GFI1B: variants seen among roughly 807,000 people sequenced by gnomAD.
GFI1B encodes the protein growth factor independent 1B transcriptional repressor.
In GFI1B, 20 loss-of-function variants were observed where a neutral mutation model predicts 35.3. That is an observed-to-expected ratio of 0.57 (90% CI 0.40 to 0.82). GFI1B has a LOEUF of 0.82. GFI1B is among the 40% of genes least tolerant of loss of function. The probability of loss-of-function intolerance (pLI) is 0.00; values close to 1 mark genes in which losing one functional copy is unlikely to be tolerated. For missense variants in GFI1B, 430 were observed against 446.3 expected (o/e 0.96, Z 0.33); for synonymous variants, 178 against 177.6 (o/e 1.00, Z -0.02).
intron 1 of GFI1B, among the ~76,000 whole-genome samples, chr9:132,948,776 G>A (rs576515779): frequency 2.1e-4 from 32 of 152,320 alleles, no homozygotes; most frequent in Non-Finnish European, 3.4e-4. Context: ...GCTTCACACC[G>A]CCCTACCTTG....
chr9:132,962,745 C>T, intron 1 of GFI1B: 1 of 398,906 alleles, frequency 2.5e-6, no homozygotes, highest in East Asian at 6.5e-5. Context: ...GAAAATGTCA[C>T]CATATCTGGA....
intron 1 of GFI1B, among the ~76,000 whole-genome samples, chr9:132,964,475 T>G (rs62578220): frequency 0.86 from 131,248 of 151,922 alleles, 56,904 homozygotes; most frequent in African/African-American, 0.92. Flanking sequence ...GAATCAATTT[T>G]CAGCCACTTG....
chr9:132,975,240 A>G (rs372309507), upstream of GFI1B: 246 of 152,292 alleles, frequency 1.6e-3, 2 homozygotes, highest in African/African-American at 4.9e-3. Context: ...TAAACCAGGG[A>G]AGAATCTTCC....
chr9:132,984,645 G>A (rs1167861284), intron 1 of GFI1B, among the ~76,000 whole-genome samples: 1 of 152,200 alleles, frequency 6.6e-6, no homozygotes, highest in Non-Finnish European at 1.5e-5. Flanking sequence ...GCTCCTGATG[G>A]ATAAAGGTCC....
At chr9:132,969,937 C>T (rs78129172) in intron 1 of GFI1B, among the ~76,000 whole-genome samples, 3,653 of 152,248 alleles carry the variant, frequency 0.024, 62 homozygotes, top group Middle Eastern at 0.071. Context: ...TCTCCGAAGG[C>T]GGCCGGTACA....
rs773925352 is a variant in GFI1B at position 132,989,672 on chromosome 9, G to A, written c.649-70G>A. 27 of 1,332,344 alleles carry A rather than the reference G, an allele frequency of 2.0e-5. 1 individual carries two copies. Among genetic ancestry groups the A allele is most frequent in the South Asian group, 4.8e-5 (4 of 83,030 alleles). The allele number at this position is 1,332,344 out of a possible 1,614,324, so 82.5% of individuals were successfully genotyped here. A position where few individuals can be genotyped will look rare whatever the true frequency, so the allele number is the denominator to read the frequency against. On this transcript the variant is annotated intron_variant, in intron 5 of 6. Coordinates refer to ENST00000372122, the MANE Select transcript of GFI1B (RefSeq NM_001377304.1). The surrounding 1 kb of genome is among the most constrained non-coding windows in gnomAD (Gnocchi z 6.2). ...CCGCCCCAATGGAGTGTCCTGTTCC[G>A]CAGGGGATCCCGGCCGGGTCCAGTC...
At chr9:132,976,348 G>C (rs1400617914), upstream of GFI1B, 4 of 152,210 alleles carry the variant, frequency 2.6e-5, no homozygotes, top group East Asian at 7.7e-4. Context: ...TGTGTATAGG[G>C]AAGTGAGAAC....
chr9:132,974,395 T>C (rs149941576), upstream of GFI1B, among the ~76,000 whole-genome samples: 1 of 149,438 alleles, frequency 6.7e-6, no homozygotes. Context: ...AGGTTAGGAG[T>C]TTGAGACTAG....
chr9:132,965,743 C>T (rs1246719176), intron 1 of GFI1B, among the ~76,000 whole-genome samples: 5 of 152,306 alleles, frequency 3.3e-5, no homozygotes, highest in Admixed American at 6.5e-5. Flanking sequence ...GGTCATCCCT[C>T]GGAGACTCCA....
At chr9:132,975,861 A>G (rs1419497714), upstream of GFI1B, among the ~76,000 whole-genome samples, 1 of 152,210 alleles carries the variant, frequency 6.6e-6, no homozygotes, top group Non-Finnish European at 1.5e-5. Context: ...GTAGCTTTAC[A>G]GGCAGCCCTG....
At chr9:132,971,971 C>CA (rs1358807327) in intron 1 of GFI1B, among the ~76,000 whole-genome samples, 1 of 50,986 alleles carries the variant, frequency 2.0e-5, no homozygotes, top group Non-Finnish European at 3.9e-5. Flanking sequence ...AAGACTCTGT[C>CA]TAAAAAAAAA....
chr9:132,960,376 C>G (rs1363765418), intron 1 of GFI1B, among the ~76,000 whole-genome samples: 1 of 152,098 alleles, frequency 6.6e-6, no homozygotes, highest in African/African-American at 2.4e-5. Context: ...AAATAAGCAG[C>G]CTGGGCTATA....
At chr9:132,963,223 T>C (rs1848395395) in intron 1 of GFI1B, among the ~76,000 whole-genome samples, 1 of 152,062 alleles carries the variant, frequency 6.6e-6, no homozygotes, top group Non-Finnish European at 1.5e-5. Flanking sequence ...GGCTCATGCC[T>C]GTAATCCCAG....
chr9:132,988,531 TGGCAGCTCTGGG>T, intron 4 of GFI1B, 63 bp downstream of exon 4: 1 of 1,463,788 alleles, frequency 6.8e-7, no homozygotes, highest in Non-Finnish European at 9.5e-7. Flanking sequence ...CTCAACTCAC[TGGCAGCTCTGGG>T]CGTTCTCTGT....
chr9:132,980,866 A>G (rs896860709), intron 1 of GFI1B, among the ~76,000 whole-genome samples: 4 of 152,040 alleles, frequency 2.6e-5, no homozygotes, highest in African/African-American at 9.7e-5. Context: ...TTAAGGCCGA[A>G]TAATGTTCAA....
intron 1 of GFI1B, among the ~76,000 whole-genome samples, chr9:132,971,972 T>TA (rs55710047): frequency 0.2 from 26,689 of 130,628 alleles, 3,433 homozygotes; most frequent in African/African-American, 0.38. Context: ...AGACTCTGTC[T>TA]AAAAAAAAAA....
chr9:132,981,530 C>G (rs560801482), intron 1 of GFI1B, among the ~76,000 whole-genome samples: 2 of 151,968 alleles, frequency 1.3e-5, no homozygotes, highest in Non-Finnish European at 2.9e-5. Flanking sequence ...CCCAGCTACT[C>G]GAGAAGCTAA....
chr9:132,951,448 C>T (rs1009522951), intron 1 of GFI1B: 2 of 152,298 alleles, frequency 1.3e-5, no homozygotes, highest in African/African-American at 4.8e-5. Context: ...GATCAAACCT[C>T]TCTTGGAACT....
intron 1 of GFI1B, among the ~76,000 whole-genome samples, chr9:132,985,854 G>A (rs649651): frequency 0.11 from 16,943 of 152,196 alleles, 1,091 homozygotes; most frequent in South Asian, 0.21. Context: ...CAGACCACCC[G>A]TTTCTATGGC....
Sources: gnomAD v4.1 joint callset for allele counts (sites outside exome capture counted in the v4.1 genomes callset) on GRCh38, gnomAD v4.1.1 for gene constraint, Gnocchi (gnomAD v3.1) non-coding constraint, MANE v1.5 for transcripts, NCBI Gene and HGNC (gene_info 2026-07-23, HGNC 2026-07-21) for gene names.